The following ZPLD1 variants were observed in gnomAD, a reference collection of about 807,000 sequenced individuals.
ZPLD1 encodes zona pellucida-like domain-containing protein 1.
ZPLD1 carries 34 observed loss-of-function variants against 47.2 expected under a neutral mutation model. That is an observed-to-expected ratio of 0.72 (90% CI 0.55 to 0.96). The LOEUF (loss-of-function observed/expected upper bound fraction) is 0.96. ZPLD1 is among the 40% of genes least tolerant of loss of function. The probability of loss-of-function intolerance (pLI) is 0.00; values close to 1 mark genes in which losing one functional copy is unlikely to be tolerated. For missense variants in ZPLD1, 512 were observed against 505.8 expected (o/e 1.01, Z -0.12); for synonymous variants, 176 against 186.2 (o/e 0.95, Z 0.45).
rs1182862870 is a variant in ZPLD1, at chr3:102,477,670, T to C, written c.*52T>C. 6 of 1,483,758 alleles carry C rather than the reference T, an allele frequency of 4.0e-6. No homozygotes were observed. Among genetic ancestry groups the C allele is most frequent in the Non-Finnish European group, 5.4e-6 (6 of 1,101,726 alleles). 91.9% of individuals were successfully genotyped at this position (1,483,758 alleles called of 1,614,324 possible). ...AAGGCTTCACTGACTAAACTATGTG[T>C]GACTGCAGTCAGTGTTCCGTCTGAA... On this transcript the variant is annotated 3_prime_UTR_variant, in exon 12 of 12. Coordinates refer to ENST00000466937, the MANE Select transcript of ZPLD1 (RefSeq NM_001329788.2).
intron 7 of ZPLD1, among the ~76,000 whole-genome samples, chr3:102,400,872 G>A (rs1194210621): frequency 2.0e-5 from 3 of 151,952 alleles, no homozygotes; most frequent in African/African-American, 2.4e-5. Flanking sequence ...CTTCAAACTA[G>A]TCTCCCTTTG....
intron 6 of ZPLD1, among the ~76,000 whole-genome samples, chr3:102,389,949 A>G (rs1469477876): frequency 6.6e-6 from 1 of 152,190 alleles, no homozygotes; most frequent in South Asian, 2.1e-4. Context: ...TAGGGTTGAT[A>G]GCATATTGGA....
chr3:102,410,808 C>T (rs1040348244), intron 7 of ZPLD1, among the ~76,000 whole-genome samples: 1 of 151,806 alleles, frequency 6.6e-6, no homozygotes, highest in Admixed American at 6.6e-5. Flanking sequence ...ATTTCTTGTT[C>T]ATGAAAGGCT....
At chr3:102,452,111 G>T (rs943476676) in intron 3 of ZPLD1, among the ~76,000 whole-genome samples, 1 of 117,682 alleles carries the variant, frequency 8.5e-6, no homozygotes, top group African/African-American at 3.8e-5. Context: ...GAGATATGAA[G>T]ACCGTGTGTG....
At chr3:102,399,430 G>A (rs1410246685) in intron 7 of ZPLD1, among the ~76,000 whole-genome samples, 2 of 152,008 alleles carry the variant, frequency 1.3e-5, no homozygotes, top group Non-Finnish European at 2.9e-5. Flanking sequence ...TGTCTACAGA[G>A]TTTTGCTTTT....
intron 3 of ZPLD1, among the ~76,000 whole-genome samples, chr3:102,440,790 G>C (rs1349902651): frequency 6.7e-6 from 1 of 149,562 alleles, no homozygotes; most frequent in Non-Finnish European, 1.5e-5. Context: ...AGAAAAGAAA[G>C]GAGCAACCTG....
chr3:102,471,001 A>T (rs1707676265), intron 10 of ZPLD1, among the ~76,000 whole-genome samples: 2 of 151,872 alleles, frequency 1.3e-5, no homozygotes, highest in South Asian at 4.2e-4. Flanking sequence ...CTGGTCTCGA[A>T]CTCCTGACCT....
chr3:102,457,336 C>T (rs754969245), intron 5 of ZPLD1, among the ~76,000 whole-genome samples: 29 of 152,274 alleles, frequency 1.9e-4, no homozygotes, highest in Middle Eastern at 3.4e-3. Context: ...ACACTGAACA[C>T]ATTCTTGAGT....
intron 7 of ZPLD1, among the ~76,000 whole-genome samples, chr3:102,406,494 G>T (rs1425573546): frequency 6.6e-6 from 1 of 151,844 alleles, no homozygotes; most frequent in Admixed American, 6.6e-5. Context: ...TGTGGAATTT[G>T]TCTATACACC....
chr3:102,456,051 A>G (rs1410109817), intron 4 of ZPLD1, 142 bp from the exon 5 acceptor site: 3 of 572,320 alleles, frequency 5.2e-6, no homozygotes, highest in Non-Finnish European at 8.3e-6. Context: ...CTCACTTATA[A>G]ACTTGATATT....
chr3:102,445,410 A>G (rs1057259522), intron 3 of ZPLD1, among the ~76,000 whole-genome samples: 3 of 152,180 alleles, frequency 2.0e-5, no homozygotes, highest in African/African-American at 4.8e-5. Context: ...TCTCTCTTGT[A>G]AGCATGTAAA....
intron 7 of ZPLD1, among the ~76,000 whole-genome samples, chr3:102,416,135 T>C (rs574579488): frequency 2.6e-5 from 4 of 152,054 alleles, no homozygotes; most frequent in African/African-American, 9.6e-5. Flanking sequence ...TTCCAATAAC[T>C]GGTAAAATTT....
At chr3:102,412,713 T>C (rs1357129652) in intron 7 of ZPLD1, among the ~76,000 whole-genome samples, 1 of 151,686 alleles carries the variant, frequency 6.6e-6, no homozygotes, top group Non-Finnish European at 1.5e-5. Context: ...GCTCCAAAGA[T>C]AAAATGGACT....
At position 102,457,783 on chromosome 3, in the gene ZPLD1, C is replaced by T. The variant is rs759824866; in HGVS notation, c.512C>T (p.Ser171Phe). 1.9e-6 allele frequency: 3 copies of T among 1,613,810 alleles called. No individual in the cohort carries two copies. The highest frequency in any genetic ancestry group is 2.5e-6 in the Non-Finnish European group (3 of 1,179,842). ...YLVNNTQLAS[S>F]SAAISVRENN... ...TCCTTTTTCTAAATGTGTTTTAGGTCCTCAGCGGCTATTTCTGTGAGAGAG... is the reference window on the plus strand; with the variant it reads ...TCCTTTTTCTAAATGTGTTTTAGGTTCTCAGCGGCTATTTCTGTGAGAGAG... The change falls in exon 6 of 12, where the codon TCC becomes TTC. Residue 171 changes from serine (S) to phenylalanine (F), a missense_variant and splice_region_variant. Transcript: ENST00000466937.
intron 6 of ZPLD1, among the ~76,000 whole-genome samples, chr3:102,459,748 C>T (rs1169650965): frequency 2.0e-5 from 3 of 152,116 alleles, no homozygotes; most frequent in Admixed American, 1.3e-4. Flanking sequence ...AGAGTTCCCA[C>T]ATATACCCCC....
At chr3:102,404,645 A>C (rs1706660657) in intron 7 of ZPLD1, among the ~76,000 whole-genome samples, 1 of 152,012 alleles carries the variant, frequency 6.6e-6, no homozygotes, top group Non-Finnish European at 1.5e-5. Context: ...AACAAAACTC[A>C]ATTGATCTAG....
chr3:102,408,256 A>G (rs1706713689), intron 7 of ZPLD1, among the ~76,000 whole-genome samples: 2 of 151,716 alleles, frequency 1.3e-5, no homozygotes. Flanking sequence ...CTAGAAGGAG[A>G]AAAAGGGAAA....
At chr3:102,448,264 C>T (rs945134791) in intron 3 of ZPLD1, among the ~76,000 whole-genome samples, 1 of 152,156 alleles carries the variant, frequency 6.6e-6, no homozygotes, top group African/African-American at 2.4e-5. Context: ...AAGCATAAAA[C>T]ATTAAAAATC....
intron 7 of ZPLD1, among the ~76,000 whole-genome samples, chr3:102,407,936 A>G (rs1190881773): frequency 6.6e-6 from 1 of 151,886 alleles, no homozygotes; most frequent in Non-Finnish European, 1.5e-5. Context: ...TTTGTATGAA[A>G]TGTCACAGAG....
Sources: gnomAD v4.1 joint callset for allele counts (sites outside exome capture counted in the v4.1 genomes callset) on GRCh38, gnomAD v4.1.1 for gene constraint, MANE v1.5 for transcripts, NCBI Gene and HGNC (gene_info 2026-07-23, HGNC 2026-07-21) for gene names.